AXDND1: variants seen among roughly 807,000 people sequenced by gnomAD.
AXDND1 encodes the protein axonemal dynein light chain domain containing 1.
Under a neutral mutation model 137.5 loss-of-function variants are expected in AXDND1, and 110 were observed. The observed-to-expected ratio is 0.80, with a 90% CI of 0.69 to 0.94. The LOEUF is 0.94. Among genes scored for constraint, AXDND1 ranks in the 40% least tolerant of loss-of-function variants. The probability of loss-of-function intolerance (pLI) is 0.00; values close to 1 mark genes in which losing one functional copy is unlikely to be tolerated. For synonymous variants in AXDND1, 414 were observed against 399.7 expected, an observed-to-expected ratio of 1.04 and a Z score of -0.43; for missense variants, 1,191 against 1,169.8, an observed-to-expected ratio of 1.02 and a Z score of -0.26.
intron 12 of AXDND1, among the ~76,000 whole-genome samples, chr1:179,428,273 TAGA>T (rs1656867503): frequency 6.6e-6 from 1 of 152,210 alleles, no homozygotes; most frequent in South Asian, 2.1e-4. Context: ...TCCCTCACAC[TAGA>T]AGTATTTCAA....
At chr1:179,405,743 C>T (rs1652858752) in intron 11 of AXDND1, among the ~76,000 whole-genome samples, 1 of 151,748 alleles carries the variant, frequency 6.6e-6, no homozygotes, top group African/African-American at 2.4e-5. Context: ...ATTTTATTTG[C>T]TTGAGTCGTC....
At chr1:179,541,296 G>A (rs1051449721) in intron 25 of AXDND1, among the ~76,000 whole-genome samples, 12 of 152,150 alleles carry the variant, frequency 7.9e-5, no homozygotes, top group East Asian at 1.9e-4. Context: ...TGGATGAGGC[G>A]ACGCCCTGCC....
intron 18 of AXDND1, among the ~76,000 whole-genome samples, chr1:179,487,671 C>T (rs561844601): frequency 1.3e-5 from 2 of 148,282 alleles, no homozygotes; most frequent in Non-Finnish European, 3.0e-5. Flanking sequence ...TGAAGAAATA[C>T]ATCATTAGAA....
rs754230269 is a variant in AXDND1, at chr1:179,379,496, T to C, written c.581+14T>C. The C allele has an allele frequency of 1.9e-6, 3 of 1,603,322 alleles. No individual in the cohort carries two copies. The South Asian group carries it at 3.3e-5, about 18-fold the overall frequency. On this transcript the variant is annotated intron_variant, in intron 6 of 25. Transcript: ENST00000367618. ...GTGTTATGATGAGTGAGTACTATGA[T>C]ATGTAAAAAATACCTGCCCCAGCTC...
intron 18 of AXDND1, among the ~76,000 whole-genome samples, chr1:179,485,916 G>A (rs527938421): frequency 3.3e-5 from 5 of 151,996 alleles, no homozygotes; most frequent in Admixed American, 2.0e-4. Context: ...TCAGGAGTTC[G>A]AGACCAGCCT....
chr1:179,394,100 G>A (rs568558494), intron 10 of AXDND1, 57 bp downstream of exon 10: 3 of 1,478,236 alleles, frequency 2.0e-6, no homozygotes, highest in African/African-American at 2.9e-5. Context: ...GTCTCTAAAG[G>A]GAGTAAAAAA....
intron 12 of AXDND1, among the ~76,000 whole-genome samples, chr1:179,421,506 C>G (rs1655729266): frequency 6.6e-6 from 1 of 150,678 alleles, no homozygotes; most frequent in African/African-American, 2.4e-5. Context: ...GCCTCAGCCT[C>G]CTGAGTAGCT....
intron 18 of AXDND1, among the ~76,000 whole-genome samples, chr1:179,488,014 A>AAAAT: frequency 7.7e-6 from 1 of 130,224 alleles, no homozygotes. Flanking sequence ...AAAAAAAAAA[A>AAAAT]AGAGAAATTT....
intron 9 of AXDND1, among the ~76,000 whole-genome samples, chr1:179,385,725 G>A (rs1649092852): frequency 6.6e-6 from 1 of 152,144 alleles, no homozygotes; most frequent in African/African-American, 2.4e-5. Flanking sequence ...GGAACCTGTG[G>A]GGAGGCACCT....
intron 12 of AXDND1, among the ~76,000 whole-genome samples, chr1:179,418,660 G>GC: frequency 7.0e-6 from 1 of 142,296 alleles, no homozygotes; most frequent in South Asian, 2.3e-4. Context: ...GGCTGGCCGG[G>GC]TGGGGGGCCG....
At position 179,411,162 on chromosome 1, in the gene AXDND1, C is replaced by A. The variant is rs371463369; in HGVS notation, c.1126C>A (p.His376Asn). The A allele has an allele frequency of 1.1e-4, 173 of 1,581,366 alleles. No individual in the cohort carries two copies. Among genetic ancestry groups the A allele is most frequent in the Non-Finnish European group, 1.4e-4 (164 of 1,165,056 alleles). Residue 376 changes from histidine to asparagine, a missense_variant, in exon 12 of 26, where the codon CAT (histidine) becomes AAT (asparagine). By Grantham distance (68) the His-to-Asn change is moderately conservative (BLOSUM62 1). Transcript: ENST00000367618. Reference protein sequence around the residue: ...EKNAKIVEEYHDLYTLQRERM... With the variant: ...EKNAKIVEEYNDLYTLQRERM... ...TTTTTATAGAATAGTAGAAGAATATCATGACTTATATACATTACAAAGAGA... is the reference window on the plus strand; with the variant it reads ...TTTTTATAGAATAGTAGAAGAATATAATGACTTATATACATTACAAAGAGA...
chr1:179,466,279 C>CTTTTTTTTT (rs1663168573), intron 16 of AXDND1, among the ~76,000 whole-genome samples: 1 of 107,132 alleles, frequency 9.3e-6, no homozygotes, highest in Non-Finnish European at 1.9e-5. Context: ...CTTTCTTCTT[C>CTTTTTTTTT]TTCTTCTTTT....
At chr1:179,459,988 T>TTTCC (rs1238536955) in intron 16 of AXDND1, among the ~76,000 whole-genome samples, 6 of 131,094 alleles carry the variant, frequency 4.6e-5, no homozygotes, top group Admixed American at 7.6e-5. Context: ...TCTTTCTTTC[T>TTTCC]TTCCTTCCTT....
At chr1:179,525,093 A>G (rs1670407352) in intron 21 of AXDND1, among the ~76,000 whole-genome samples, 1 of 152,028 alleles carries the variant, frequency 6.6e-6, no homozygotes, top group African/African-American at 2.4e-5. Flanking sequence ...TCCCTCTTTT[A>G]CCCAGTCCAC....
Position 179,382,707 on chromosome 1 carries a change from A to G in AXDND1, c.589A>G (p.Thr197Ala), listed in dbSNP as rs1648572798. 6.2e-7 allele frequency: 1 copy of G among 1,602,494 alleles called. No homozygotes were observed. The highest frequency in any genetic ancestry group is 1.1e-5 in the South Asian group (1 of 90,616). Reference sequence around the variant, plus strand: ...CTATCTTATTTATTGTAGCAAATACACTACTCTCCTCACAGATAGTGAAAA... The same window carrying G: ...CTATCTTATTTATTGTAGCAAATACGCTACTCTCCTCACAGATAGTGAAAA... ...SGLECYDDKY[T>A]TLLTDSENRL... Residue 197 changes from threonine to alanine, a missense_variant, in exon 7 of 26, where the codon ACT (threonine) becomes GCT (alanine). Coordinates refer to ENST00000367618, the MANE Select transcript of AXDND1 (RefSeq NM_144696.6).
In AXDND1 at chr1:179,549,671, A is replaced by G. The variant is rs80157999; in HGVS notation, c.3032-4841A>G. On this transcript the variant is annotated intron_variant, in intron 25 of 25. Transcript: ENST00000367618. ...TTCATTACACATGCCAAAATTTGCT[A>G]TCCTGAGATCAGGAACCGTCATATA... 3.5e-4 allele frequency among the ~76,000 whole-genome samples: 53 copies of G among 152,230 alleles called. No individual in the cohort carries two copies. The East Asian group carries it at 0.01, about 29-fold the overall frequency.
At chr1:179,457,295 C>A in intron 16 of AXDND1, 1 of 652,212 alleles carries the variant, frequency 1.5e-6, no homozygotes, top group Admixed American at 2.3e-5. Flanking sequence ...AGAGCTTCCT[C>A]AACTGTTTGG....
intron 25 of AXDND1, chr1:179,544,401 C>A (rs758125705): frequency 1.3e-5 from 2 of 151,940 alleles, no homozygotes; most frequent in African/African-American, 4.8e-5. Context: ...AGGCTGGGCA[C>A]GGTGGTTCAC....
At chr1:179,534,694 C>T in intron 24 of AXDND1, 36 bp from the exon 25 acceptor site, 1 of 1,535,904 alleles carries the variant, frequency 6.5e-7, no homozygotes, top group South Asian at 1.3e-5. Context: ...CTTTTTCAAC[C>T]CTTTCTATTT....
Sources: gnomAD v4.1 joint callset for allele counts (sites outside exome capture counted in the v4.1 genomes callset) on GRCh38, gnomAD v4.1.1 for gene constraint, MANE v1.5 for transcripts, NCBI Gene and HGNC (gene_info 2026-07-23, HGNC 2026-07-21) for gene names.